Variants in CDKAL1 observed in about 807,000 individuals in gnomAD.
CDKAL1 encodes the protein threonylcarbamoyladenosine tRNA methylthiotransferase.
A neutral mutation model predicts 68.2 loss-of-function variants in CDKAL1; 32 were observed. The observed-to-expected ratio is 0.47, with a 90% CI of 0.35 to 0.63. The LOEUF is 0.63. Ranked by LOEUF, CDKAL1 falls within the 30% of genes least tolerant of loss-of-function variation. The pLI is 0.00. For missense variants in CDKAL1, 606 were observed against 696.7 expected (o/e 0.87, Z 1.47); for synonymous variants, 234 against 244.3 (o/e 0.96, Z 0.39).
intron 8 of CDKAL1, among the ~76,000 whole-genome samples, chr6:20,794,669 C>G (rs1314331021): frequency 6.6e-6 from 1 of 152,096 alleles, no homozygotes; most frequent in Non-Finnish European, 1.5e-5. Context: ...GATTTAAAAT[C>G]TTTTCATAGA....
chr6:21,110,417 A>G lies in CDKAL1; in HGVS notation c.1299+1954A>G, dbSNP rs569122466. Among the ~76,000 whole-genome samples the G allele has an allele frequency of 9.3e-4, 142 of 152,230 alleles. No individual in the cohort carries two copies. In the Middle Eastern group the frequency reaches 0.014, roughly 15 times the overall value. On this transcript the variant is annotated intron_variant, in intron 13 of 15. Transcript: ENST00000274695. Reference sequence around the variant, plus strand: ...ATTTTCCCAATCTGAGAATGTTGCTATTTTTCCCCGCATGAATTAATAGAG... The same window carrying G: ...ATTTTCCCAATCTGAGAATGTTGCTGTTTTTCCCCGCATGAATTAATAGAG...
At chr6:20,616,872 C>CACACAG (rs2127728347) in intron 4 of CDKAL1, among the ~76,000 whole-genome samples, 1 of 151,022 alleles carries the variant, frequency 6.6e-6, no homozygotes, top group Non-Finnish European at 1.5e-5. Flanking sequence ...CACACACACA[C>CACACAG]ACACACACAC....
chr6:21,107,684 G>A (rs991604165), intron 12 of CDKAL1, among the ~76,000 whole-genome samples: 3 of 151,944 alleles, frequency 2.0e-5, no homozygotes, highest in South Asian at 4.2e-4. Context: ...TACCTGCCTC[G>A]GCCTCCCAAA....
chr6:21,136,274 T>A (rs1317905796), intron 13 of CDKAL1, among the ~76,000 whole-genome samples: 1 of 152,250 alleles, frequency 6.6e-6, no homozygotes, highest in Non-Finnish European at 1.5e-5. Context: ...ATACAGTTTT[T>A]TAAAACTCTC....
chr6:20,853,242 C>A (rs761920519), intron 9 of CDKAL1, among the ~76,000 whole-genome samples: 1 of 152,002 alleles, frequency 6.6e-6, no homozygotes, highest in African/African-American at 2.4e-5. Flanking sequence ...ATTAGCTAGG[C>A]GTGGTGGCGC....
chr6:21,202,181 C>T (rs571071307), intron 15 of CDKAL1, among the ~76,000 whole-genome samples: 3 of 152,178 alleles, frequency 2.0e-5, no homozygotes, highest in Non-Finnish European at 4.4e-5. Flanking sequence ...TCTGTGTTCT[C>T]ACTGACTGTG....
intron 10 of CDKAL1, among the ~76,000 whole-genome samples, chr6:20,965,624 A>G (rs561326360): frequency 6.6e-6 from 1 of 152,296 alleles, no homozygotes; most frequent in East Asian, 1.9e-4. Flanking sequence ...ATCTTTTAGT[A>G]TTCTAGTGTA....
chr6:20,606,608 T>C (rs1424516346), intron 4 of CDKAL1, among the ~76,000 whole-genome samples: 2 of 152,212 alleles, frequency 1.3e-5, no homozygotes, highest in Admixed American at 1.3e-4. Flanking sequence ...CCTAAGGTCT[T>C]GTTTTAAGGA....
At chr6:20,927,173 C>T (rs1261253928) in intron 9 of CDKAL1, among the ~76,000 whole-genome samples, 3 of 152,070 alleles carry the variant, frequency 2.0e-5, no homozygotes, top group Non-Finnish European at 2.9e-5. Flanking sequence ...GTTTAAACAG[C>T]GCCTTTCTTA....
At chr6:20,790,864 G>T (rs977304703) in intron 8 of CDKAL1, among the ~76,000 whole-genome samples, 1 of 152,114 alleles carries the variant, frequency 6.6e-6, no homozygotes, top group African/African-American at 2.4e-5. Context: ...GGGAGTGCAT[G>T]CTGATTGGTT....
chr6:21,160,445 C>T (rs371321085), intron 13 of CDKAL1, among the ~76,000 whole-genome samples: 1 of 151,226 alleles, frequency 6.6e-6, no homozygotes, highest in Non-Finnish European at 1.5e-5. Context: ...TTACAGGCGC[C>T]CACCACCATG....
intron 9 of CDKAL1, among the ~76,000 whole-genome samples, chr6:20,952,602 C>T (rs1045080985): frequency 5.9e-5 from 9 of 152,190 alleles, no homozygotes; most frequent in East Asian, 1.9e-4. Context: ...GAGAACTGAA[C>T]GTGCAAAGAA....
chr6:20,686,472 C>G (rs145296385), intron 5 of CDKAL1, among the ~76,000 whole-genome samples: 3 of 152,216 alleles, frequency 2.0e-5, no homozygotes, highest in African/African-American at 7.2e-5. Context: ...TGATCTGTCA[C>G]TGTCTCCCAT....
chr6:20,561,090 T>G (rs1202256160), intron 4 of CDKAL1, among the ~76,000 whole-genome samples: 1 of 151,820 alleles, frequency 6.6e-6, no homozygotes, highest in South Asian at 2.1e-4. Flanking sequence ...TGTGAGTTCT[T>G]TCTGTCTTTC....
At chr6:20,889,626 C>T (rs1298194437) in intron 9 of CDKAL1, among the ~76,000 whole-genome samples, 1 of 152,136 alleles carries the variant, frequency 6.6e-6, no homozygotes, top group Non-Finnish European at 1.5e-5. Flanking sequence ...ATCCTTTCCC[C>T]ATTTCTTATT....
At chr6:21,125,246 T>C (rs956523215) in intron 13 of CDKAL1, among the ~76,000 whole-genome samples, 1 of 152,164 alleles carries the variant, frequency 6.6e-6, no homozygotes, top group Non-Finnish European at 1.5e-5. Context: ...TTATAAGTGT[T>C]TGGTAGTTCC....
At chr6:20,721,723 C>CTTTT (rs1562052673) in intron 5 of CDKAL1, among the ~76,000 whole-genome samples, 1 of 107,912 alleles carries the variant, frequency 9.3e-6, no homozygotes, top group African/African-American at 4.1e-5. Context: ...TGACCAACTT[C>CTTTT]TGTTTTTTTT....
At chr6:21,100,707 T>TTA (rs61303147) in intron 12 of CDKAL1, among the ~76,000 whole-genome samples, 1 of 152,004 alleles carries the variant, frequency 6.6e-6, no homozygotes, top group African/African-American at 2.4e-5. Context: ...GTATTTTTTT[T>TTA]ATCACTAACT....
intron 9 of CDKAL1, among the ~76,000 whole-genome samples, chr6:20,937,598 G>T (rs963355065): frequency 1.3e-5 from 2 of 152,136 alleles, no homozygotes; most frequent in Admixed American, 1.3e-4. Flanking sequence ...TCTGGGCCAG[G>T]TCTCCTGTCT....
Sources: allele counts gnomAD v4.1 joint callset (sites outside exome capture counted in the v4.1 genomes callset), GRCh38; gene constraint gnomAD v4.1.1; transcripts MANE v1.5; gene names NCBI Gene and HGNC (gene_info 2026-07-23, HGNC 2026-07-21).